Variants in ERC2 observed in about 807,000 individuals in gnomAD.
The protein encoded by ERC2 is ERC protein 2.
Under a neutral mutation model 114.8 loss-of-function variants are expected in ERC2, and 42 were observed. The ratio of observed to expected loss-of-function variants is 0.37; its 90% confidence interval spans 0.29 to 0.47. The LOEUF (loss-of-function observed/expected upper bound fraction) is 0.47, where lower values mean the gene tolerates loss of function less well. ERC2 is among the 20% of genes least tolerant of loss of function. ERC2 has a pLI of 0.99. For missense variants in ERC2, 939 were observed against 1,150.7 expected (o/e 0.82, Z 2.66); for synonymous variants, 454 against 425.5 (o/e 1.07, Z -0.82).
At chr3:56,408,307 T>C (rs1335027919) in intron 2 of ERC2, among the ~76,000 whole-genome samples, 2 of 152,262 alleles carry the variant, frequency 1.3e-5, no homozygotes, top group East Asian at 3.9e-4. Flanking sequence ...GTTATCCCTA[T>C]TTTATGGATG....
intron 1 of ERC2, among the ~76,000 whole-genome samples, chr3:56,444,175 G>A (rs1302000657): frequency 5.4e-5 from 8 of 148,028 alleles, no homozygotes; most frequent in Admixed American, 4.7e-4. Context: ...GTTTCACCGT[G>A]TTAGCCAGGA....
intron 13 of ERC2, among the ~76,000 whole-genome samples, chr3:55,895,647 T>A (rs2063806890): frequency 6.6e-6 from 1 of 152,160 alleles, no homozygotes; most frequent in Non-Finnish European, 1.5e-5. Flanking sequence ...GTCTCCATCT[T>A]CTTTGCAAGC....
chr3:55,827,180 G>T (rs1366349125), intron 14 of ERC2, among the ~76,000 whole-genome samples: 2 of 151,400 alleles, frequency 1.3e-5, no homozygotes, highest in African/African-American at 4.9e-5. Flanking sequence ...AGTATATTTA[G>T]TCATTCCCTC....
intron 3 of ERC2, among the ~76,000 whole-genome samples, chr3:56,280,093 G>A (rs193291709): frequency 5.9e-5 from 9 of 152,242 alleles, no homozygotes; most frequent in East Asian, 1.9e-4. Context: ...TCAAAGTCAC[G>A]GGGCAGGAAA....
At chr3:55,960,927 G>C (rs1302596273) in intron 12 of ERC2, among the ~76,000 whole-genome samples, 1 of 152,236 alleles carries the variant, frequency 6.6e-6, no homozygotes. Context: ...CTGAGGTCAG[G>C]AGTTCGAGAC....
At chr3:55,561,627 T>G (rs935295695) in intron 17 of ERC2, among the ~76,000 whole-genome samples, 3 of 152,168 alleles carry the variant, frequency 2.0e-5, no homozygotes, top group Admixed American at 1.3e-4. Context: ...TGTGTATCTA[T>G]TTTCCCCACT....
chr3:55,918,745 G>A (rs192858338), intron 13 of ERC2, among the ~76,000 whole-genome samples: 10 of 151,184 alleles, frequency 6.6e-5, no homozygotes, highest in Non-Finnish European at 4.4e-5. Context: ...GCTACAGGCA[G>A]CACCAACAAC....
chr3:56,136,221 T>C (rs1261425050), intron 6 of ERC2, among the ~76,000 whole-genome samples: 1 of 152,082 alleles, frequency 6.6e-6, no homozygotes, highest in Admixed American at 6.6e-5. Flanking sequence ...TTTACAGAGA[T>C]GAACCGTTAA....
At chr3:55,732,126 A>G (rs534122655) in intron 15 of ERC2, among the ~76,000 whole-genome samples, 2 of 152,088 alleles carry the variant, frequency 1.3e-5, no homozygotes, top group Admixed American at 6.6e-5. Flanking sequence ...TGCTCCCTAG[A>G]AAAGGGAGAT....
At chr3:55,758,866 C>T (rs1334154075) in intron 14 of ERC2, among the ~76,000 whole-genome samples, 1 of 152,180 alleles carries the variant, frequency 6.6e-6, no homozygotes, top group Non-Finnish European at 1.5e-5. Flanking sequence ...TCTCTACCAA[C>T]AAATAAGGCT....
intron 2 of ERC2, among the ~76,000 whole-genome samples, chr3:56,306,608 G>A (rs1436929249): frequency 1.3e-5 from 2 of 152,144 alleles, no homozygotes; most frequent in African/African-American, 4.8e-5. Context: ...CAACAGGATG[G>A]GTAATTTTCT....
At chr3:55,864,176 T>A (rs188520909) in intron 14 of ERC2, among the ~76,000 whole-genome samples, 1,300 of 124,860 alleles carry the variant, frequency 0.01, 35 homozygotes, top group African/African-American at 0.035. Context: ...TACACATATA[T>A]ATATACACAT....
intron 13 of ERC2, among the ~76,000 whole-genome samples, chr3:55,893,604 C>T (rs541679186): frequency 9.8e-5 from 15 of 152,326 alleles, no homozygotes; most frequent in African/African-American, 3.6e-4. Flanking sequence ...CTCCCTAACA[C>T]ATCCACCATT....
intron 13 of ERC2, among the ~76,000 whole-genome samples, chr3:55,922,737 A>C (rs2065500177): frequency 6.6e-6 from 1 of 152,160 alleles, no homozygotes; most frequent in African/African-American, 2.4e-5. Flanking sequence ...AGAAACCAGC[A>C]GTAAGAATTA....
At chr3:56,000,240 A>G (rs1379718) in intron 10 of ERC2, among the ~76,000 whole-genome samples, 23,768 of 152,042 alleles carry the variant, frequency 0.16, 2,072 homozygotes, top group South Asian at 0.23. Context: ...TTAACTTGAT[A>G]CCAAAAGCAA....
chr3:55,854,660 C>T (rs73834031), intron 14 of ERC2, among the ~76,000 whole-genome samples: 4 of 152,194 alleles, frequency 2.6e-5, no homozygotes, highest in African/African-American at 9.7e-5. Context: ...AGAGCCCTTC[C>T]TATTGCCAGG....
At chr3:55,984,164 G>A (rs2070388735) in intron 12 of ERC2, among the ~76,000 whole-genome samples, 1 of 152,042 alleles carries the variant, frequency 6.6e-6, no homozygotes, top group African/African-American at 2.4e-5. Context: ...ACTAGATTTG[G>A]CATGTGCATT....
intron 3 of ERC2, among the ~76,000 whole-genome samples, chr3:56,183,429 A>G (rs536568595): frequency 2.0e-5 from 3 of 152,170 alleles, no homozygotes; most frequent in Non-Finnish European, 2.9e-5. Flanking sequence ...TTCATCGCGT[A>G]GAGAGGTTGG....
chr3:56,418,773 C>T (rs1027424199), intron 2 of ERC2, among the ~76,000 whole-genome samples: 3 of 152,188 alleles, frequency 2.0e-5, no homozygotes, highest in Non-Finnish European at 4.4e-5. Flanking sequence ...TACATGCTGG[C>T]CTGAGAAAGG....
Sources: allele counts gnomAD v4.1 joint callset (sites outside exome capture counted in the v4.1 genomes callset), GRCh38; gene constraint gnomAD v4.1.1; transcripts MANE v1.5; gene names NCBI Gene and HGNC (gene_info 2026-07-23, HGNC 2026-07-21).